PRDM16: variants seen among roughly 807,000 people sequenced by gnomAD.
The protein encoded by PRDM16 is histone-lysine N-methyltransferase PRDM16.
Under a neutral mutation model 110.6 loss-of-function variants are expected in PRDM16, and 23 were observed. The observed-to-expected ratio is 0.21, with a 90% confidence interval of 0.15 to 0.29. The LOEUF is 0.29. PRDM16 is among the 10% of genes least tolerant of loss of function. The pLI, the probability that PRDM16 is intolerant of heterozygous loss-of-function variation, is 1.00. For missense variants in PRDM16, 1,615 were observed against 1,794.3 expected (o/e 0.90, Z 1.81); for synonymous variants, 799 against 781.8 (o/e 1.02, Z -0.37).
At chr1:3,432,717 G>A (rs1638801325) in intron 16 of PRDM16, among the ~76,000 whole-genome samples, 1 of 152,232 alleles carries the variant, frequency 6.6e-6, no homozygotes. Flanking sequence ...AGAGGGAACA[G>A]GCCCGCCCCA....
chr1:3,415,395 G>T (rs979718646), intron 10 of PRDM16, among the ~76,000 whole-genome samples: 1 of 152,270 alleles, frequency 6.6e-6, no homozygotes, highest in Non-Finnish European at 1.5e-5. Context: ...ACAGACTGCA[G>T]ACCAGACCGG....
intron 3 of PRDM16, among the ~76,000 whole-genome samples, chr1:3,296,533 G>A (rs1220956679): frequency 1.3e-5 from 2 of 152,240 alleles, no homozygotes; most frequent in African/African-American, 4.8e-5. Context: ...TGTTTGATGT[G>A]CAGGAGAGGA....
intron 3 of PRDM16, among the ~76,000 whole-genome samples, chr1:3,263,202 G>T (rs1640210000): frequency 6.6e-6 from 1 of 152,222 alleles, no homozygotes; most frequent in African/African-American, 2.4e-5. Context: ...AGTGCCCGGG[G>T]ATGGGAAAGC....
rs1167092469 is a variant in PRDM16 at position 3,206,979 on chromosome 1, T to C, written c.387+20505T>C. The C allele has an allele frequency of 6.6e-6, 1 of 152,044 alleles. No homozygotes were observed. Among genetic ancestry groups the C allele is most frequent in the Non-Finnish European group, 1.5e-5 (1 of 68,032 alleles). The allele number at this position is 152,044 out of a possible 1,614,324, so 9.4% of individuals were successfully genotyped here. ...CGAGAGGTGACATAGAGGACAGCAA[T>C]GCCGCCCGCATGTCCCCACATGGAC... On this transcript the variant is annotated intron_variant, in intron 2 of 16. Coordinates refer to ENST00000270722, the MANE Select transcript of PRDM16 (RefSeq NM_022114.4). This position sits in a 1 kb window ranked among gnomAD's most constrained non-coding sequence, Gnocchi z 4.9.
chr1:3,241,323 G>A (rs1639669992), intron 2 of PRDM16, among the ~76,000 whole-genome samples: 1 of 152,258 alleles, frequency 6.6e-6, no homozygotes, highest in South Asian at 2.1e-4. Context: ...GCTCTTCCGT[G>A]GTTCCACGCT....
chr1:3,083,734 G>C (rs1642085467), intron 1 of PRDM16, among the ~76,000 whole-genome samples: 1 of 152,168 alleles, frequency 6.6e-6, no homozygotes, highest in South Asian at 2.1e-4. Context: ...CCACAGCTGA[G>C]AGGGGAAGAG....
rs753567065 is a variant in PRDM16, at chr1:3,402,924, C to G, written c.810C>G (p.Pro270=). ...LYEGLAEELK[P]EGLGGGSGQA... ...AGGGCCTGGCTGAGGAGCTCAAGCCCGAGGGCCTTGGCGGTGGCAGCGGCC... is the reference window on the plus strand; with the variant it reads ...AGGGCCTGGCTGAGGAGCTCAAGCCGGAGGGCCTTGGCGGTGGCAGCGGCC... The change falls in exon 6 of 17, where the codon CCC becomes CCG. Residue 270 remains proline (P), a synonymous_variant. Coordinates refer to ENST00000270722, the MANE Select transcript of PRDM16 (RefSeq NM_022114.4). The G allele has an allele frequency of 3.1e-6, 5 of 1,612,844 alleles. No individual in the cohort carries two copies. The South Asian group carries it at 5.5e-5, about 18-fold the overall frequency.
rs964791242 is a variant in PRDM16, at chr1:3,255,497, C to T, written c.438+11360C>T. On this transcript the variant is annotated intron_variant, in intron 3 of 16. Transcript: ENST00000270722. This position sits in a 1 kb window ranked among gnomAD's most constrained non-coding sequence, Gnocchi z 4.7. Reference sequence around the variant, plus strand: ...CTCAGAGAGAGGCAAGACAGTGGGGCGGAGTCCTGGGAGGAGGTGTGGCAT... The same window carrying T: ...CTCAGAGAGAGGCAAGACAGTGGGGTGGAGTCCTGGGAGGAGGTGTGGCAT... Among the ~76,000 whole-genome samples the T allele has an allele frequency of 6.6e-6, 1 of 151,762 alleles. No homozygotes were observed. Among genetic ancestry groups the T allele is most frequent in the Admixed American group, 6.6e-5 (1 of 15,202 alleles).
At chr1:3,091,925 G>A (rs995088580) in intron 1 of PRDM16, among the ~76,000 whole-genome samples, 8 of 152,196 alleles carry the variant, frequency 5.3e-5, no homozygotes, top group East Asian at 3.9e-4. Context: ...AATTCACATC[G>A]CAGAACCTGC....
chr1:3,151,338 G>T (rs1643772450), intron 1 of PRDM16, among the ~76,000 whole-genome samples: 1 of 152,190 alleles, frequency 6.6e-6, no homozygotes, highest in Admixed American at 6.5e-5. Context: ...TTGGGTTAGG[G>T]ATTAGGGAAC....
At chr1:3,173,112 T>G (rs1234538692) in intron 1 of PRDM16, among the ~76,000 whole-genome samples, 1 of 152,164 alleles carries the variant, frequency 6.6e-6, no homozygotes, top group African/African-American at 2.4e-5. Flanking sequence ...GCCCAGATGC[T>G]GCTTAGCGCA....
chr1:3,348,567 T>C (rs1037342404), intron 3 of PRDM16, among the ~76,000 whole-genome samples: 5 of 152,186 alleles, frequency 3.3e-5, no homozygotes, highest in African/African-American at 1.2e-4. Context: ...GCACGCTTCT[T>C]AAAGAGGCCC....
At chr1:3,326,803 G>A (rs1641922988) in intron 3 of PRDM16, among the ~76,000 whole-genome samples, 1 of 152,254 alleles carries the variant, frequency 6.6e-6, no homozygotes, top group African/African-American at 2.4e-5. Flanking sequence ...TGGCCTGACA[G>A]CAGGGGGAGG....
chr1:3,356,190 C>T (rs181959660), intron 3 of PRDM16, among the ~76,000 whole-genome samples: 19 of 152,336 alleles, frequency 1.2e-4, no homozygotes, highest in Admixed American at 7.2e-4. Context: ...CACCAGCACG[C>T]GGGCACAGAT....
chr1:3,092,186 G>C (rs1642294235), intron 1 of PRDM16, among the ~76,000 whole-genome samples: 1 of 152,162 alleles, frequency 6.6e-6, no homozygotes, highest in East Asian at 1.9e-4. Context: ...TGTGCCTGGG[G>C]CCCCAGGTGG....
chr1:3,137,655 G>T (rs544220424), intron 1 of PRDM16, among the ~76,000 whole-genome samples: 1 of 152,224 alleles, frequency 6.6e-6, no homozygotes, highest in Admixed American at 6.5e-5. Flanking sequence ...CCTTCTCTGC[G>T]GCAAACCCCA....
chr1:3,083,800 T>A (rs1642086509), intron 1 of PRDM16, among the ~76,000 whole-genome samples: 1 of 152,184 alleles, frequency 6.6e-6, no homozygotes, highest in Non-Finnish European at 1.5e-5. Flanking sequence ...TGGGATTGTG[T>A]CTGTGTTGTC....
intron 1 of PRDM16, among the ~76,000 whole-genome samples, chr1:3,182,814 G>A (rs1046132216): frequency 3.3e-5 from 5 of 152,172 alleles, no homozygotes; most frequent in Non-Finnish European, 5.9e-5. Flanking sequence ...ACATAGACTC[G>A]GCTGGAACTG....
intron 1 of PRDM16, among the ~76,000 whole-genome samples, chr1:3,079,318 G>A (rs1476410204): frequency 1.3e-5 from 2 of 152,124 alleles, no homozygotes; most frequent in Non-Finnish European, 1.5e-5. Flanking sequence ...TGTCCCACGC[G>A]CTGCCTGGCT....
Sources: allele counts gnomAD v4.1 joint callset (sites outside exome capture counted in the v4.1 genomes callset), GRCh38; gene constraint gnomAD v4.1.1; non-coding constraint Gnocchi (gnomAD v3.1); transcripts MANE v1.5; gene names NCBI Gene and HGNC (gene_info 2026-07-23, HGNC 2026-07-21).